The following CNTNAP2 variants were observed in gnomAD, a reference collection of about 807,000 sequenced individuals.
CNTNAP2 encodes the protein contactin associated protein 2.
Under a neutral mutation model 155.2 loss-of-function variants are expected in CNTNAP2, and 98 were observed. The observed-to-expected ratio is 0.63, with a 90% CI of 0.54 to 0.75. CNTNAP2 has a LOEUF of 0.75. Ranked by LOEUF, CNTNAP2 falls within the 30% of genes least tolerant of loss-of-function variation. The probability of loss-of-function intolerance (pLI) is 0.00; values close to 1 mark genes in which losing one functional copy is unlikely to be tolerated. For missense variants in CNTNAP2, 1,727 were observed against 1,688.1 expected, an observed-to-expected ratio of 1.02 and a Z score of -0.40; for synonymous variants, 651 against 631.2, an observed-to-expected ratio of 1.03 and a Z score of -0.47.
chr7:146,904,778 C>T (rs1796085159), intron 3 of CNTNAP2, among the ~76,000 whole-genome samples: 1 of 152,160 alleles, frequency 6.6e-6, no homozygotes, highest in South Asian at 2.1e-4. Flanking sequence ...GCCGAGAATT[C>T]ATCTTTTGAG....
At chr7:147,602,555 T>G (rs1039954499) in intron 12 of CNTNAP2, among the ~76,000 whole-genome samples, 2 of 151,660 alleles carry the variant, frequency 1.3e-5, no homozygotes, top group Admixed American at 1.3e-4. Flanking sequence ...TAGTTACATA[T>G]GTATACATGT....
chr7:147,570,032 T>C (rs1186705059), intron 12 of CNTNAP2, among the ~76,000 whole-genome samples: 2 of 152,222 alleles, frequency 1.3e-5, no homozygotes, highest in African/African-American at 2.4e-5. Context: ...GCTCCCTGCC[T>C]TGTGGCTCTG....
intron 15 of CNTNAP2, among the ~76,000 whole-genome samples, chr7:148,106,336 A>G (rs1244355487): frequency 6.6e-6 from 1 of 151,972 alleles, no homozygotes; most frequent in Non-Finnish European, 1.5e-5. Context: ...AATCGTTAAC[A>G]TATGATTAGT....
intron 3 of CNTNAP2, among the ~76,000 whole-genome samples, chr7:146,849,308 G>A (rs542545303): frequency 6.6e-6 from 1 of 152,146 alleles, no homozygotes; most frequent in Non-Finnish European, 1.5e-5. Context: ...TTCTGTAGAT[G>A]AATAAGCTGA....
intron 1 of CNTNAP2, among the ~76,000 whole-genome samples, chr7:146,768,981 C>T (rs1378396754): frequency 1.3e-5 from 2 of 152,190 alleles, no homozygotes; most frequent in East Asian, 1.9e-4. Context: ...ACCTCTCAGC[C>T]GTATCTTTTA....
At chr7:147,276,104 T>C (rs1804889673) in intron 8 of CNTNAP2, among the ~76,000 whole-genome samples, 1 of 152,028 alleles carries the variant, frequency 6.6e-6, no homozygotes, top group Admixed American at 6.6e-5. Context: ...TTGCATGCAA[T>C]ATCCCAGCAT....
At chr7:147,858,338 C>T (rs577185868) in intron 13 of CNTNAP2, among the ~76,000 whole-genome samples, 11 of 152,286 alleles carry the variant, frequency 7.2e-5, no homozygotes, top group South Asian at 6.2e-4. Flanking sequence ...CCGCCTGCCT[C>T]GGCCTCCCAA....
chr7:148,408,774 T>G (rs965279005), intron 22 of CNTNAP2, among the ~76,000 whole-genome samples: 1 of 152,206 alleles, frequency 6.6e-6, no homozygotes, highest in African/African-American at 2.4e-5. Flanking sequence ...AAAATTTGTT[T>G]TATCTTAGAG....
chr7:146,612,204 T>C lies in CNTNAP2; in HGVS notation c.98-162067T>C, dbSNP rs190718969. Among the ~76,000 whole-genome samples the C allele has an allele frequency of 9.1e-4, 134 of 147,298 alleles. 1 individual carries two copies. Among genetic ancestry groups the C allele is most frequent in the African/African-American group, 3.2e-3 (125 of 39,072 alleles). On this transcript the variant is annotated intron_variant, in intron 1 of 23. Coordinates refer to ENST00000361727, the MANE Select transcript of CNTNAP2 (RefSeq NM_014141.6). ...ACGACAAACATTTAATAAAAATAGTTATTACTGTTAACAGATATGTGATTT... is the reference window on the plus strand; with the variant it reads ...ACGACAAACATTTAATAAAAATAGTCATTACTGTTAACAGATATGTGATTT...
intron 1 of CNTNAP2, among the ~76,000 whole-genome samples, chr7:146,612,363 C>T (rs2047338368): frequency 6.6e-6 from 1 of 152,058 alleles, no homozygotes; most frequent in Admixed American, 6.6e-5. Context: ...TTTCAGCTTT[C>T]CCTTTCTTTA....
At chr7:148,154,769 T>C (rs902344257) in intron 17 of CNTNAP2, among the ~76,000 whole-genome samples, 7 of 152,128 alleles carry the variant, frequency 4.6e-5, no homozygotes, top group Non-Finnish European at 8.8e-5. Flanking sequence ...AATTTCTGTC[T>C]TTACTAAAGA....
intron 1 of CNTNAP2, among the ~76,000 whole-genome samples, chr7:146,744,672 C>G (rs1192571699): frequency 6.6e-6 from 1 of 152,152 alleles, no homozygotes; most frequent in African/African-American, 2.4e-5. Context: ...TTGGAACTAT[C>G]TTGCATGTCA....
chr7:146,149,697 A>T (rs926286915), intron 1 of CNTNAP2, among the ~76,000 whole-genome samples: 2 of 152,228 alleles, frequency 1.3e-5, no homozygotes, highest in East Asian at 3.9e-4. Context: ...TGGTATCCAT[A>T]TAGGAAAAAA....
intron 10 of CNTNAP2, among the ~76,000 whole-genome samples, chr7:147,451,781 AC>A (rs975805256): frequency 4.0e-5 from 6 of 151,592 alleles, no homozygotes; most frequent in African/African-American, 1.5e-4. Context: ...AAAAAAAAAA[AC>A]TCACATTGAA....
At chr7:147,296,664 T>C (rs1040967630) in intron 8 of CNTNAP2, among the ~76,000 whole-genome samples, 18 of 152,202 alleles carry the variant, frequency 1.2e-4, no homozygotes, top group African/African-American at 3.9e-4. Flanking sequence ...CAAAGTAACC[T>C]ATGAGTACCA....
At chr7:147,554,113 C>A (rs1447215339) in intron 11 of CNTNAP2, among the ~76,000 whole-genome samples, 2 of 152,134 alleles carry the variant, frequency 1.3e-5, no homozygotes, top group Non-Finnish European at 2.9e-5. Context: ...ATTGAGGAAG[C>A]GTGTTTGTAG....
At chr7:146,641,591 C>T (rs1466422128) in intron 1 of CNTNAP2, among the ~76,000 whole-genome samples, 1 of 152,090 alleles carries the variant, frequency 6.6e-6, no homozygotes, top group African/African-American at 2.4e-5. Context: ...GCTCTTTCTA[C>T]TCTTTAATCT....
intron 18 of CNTNAP2, among the ~76,000 whole-genome samples, chr7:148,176,039 A>T (rs1171163069): frequency 1.3e-5 from 2 of 151,844 alleles, no homozygotes; most frequent in Non-Finnish European, 2.9e-5. Flanking sequence ...GTGTCTTGTC[A>T]CTTTGTTGAA....
At chr7:147,600,240 G>A (rs532580946) in intron 12 of CNTNAP2, among the ~76,000 whole-genome samples, 9 of 152,258 alleles carry the variant, frequency 5.9e-5, no homozygotes, top group Admixed American at 2.0e-4. Flanking sequence ...AGGCTTAAAA[G>A]TTCTACAGAG....
Sources: gnomAD v4.1 joint callset for allele counts (sites outside exome capture counted in the v4.1 genomes callset) on GRCh38, gnomAD v4.1.1 for gene constraint, MANE v1.5 for transcripts, NCBI Gene and HGNC (gene_info 2026-07-23, HGNC 2026-07-21) for gene names.